Variants in CHLSN observed in about 807,000 individuals in gnomAD.
The protein encoded by CHLSN is protein cholesin.
At chr7:1,070,894 GCA>G in the CHLSN span, among the ~76,000 whole-genome samples, 29 of 145,170 alleles carry the variant, frequency 2.0e-4, no homozygotes, top group African/African-American at 4.4e-4. Context: ...GCACACACGT[GCA>G]CACACATGCA....
chr7:1,080,007 C>T, the CHLSN span, among the ~76,000 whole-genome samples: 1 of 152,246 alleles, frequency 6.6e-6, no homozygotes, highest in Non-Finnish European at 1.5e-5. Flanking sequence ...TGGCTCTTGG[C>T]CGGAAACCGG....
At chr7:999,674 G>A in the CHLSN span, among the ~76,000 whole-genome samples, 2 of 152,238 alleles carry the variant, frequency 1.3e-5, no homozygotes, top group Non-Finnish European at 2.9e-5. Flanking sequence ...GGCCTGCCCC[G>A]CTCTGAGAGT....
chr7:1,006,275 G>A, the CHLSN span, among the ~76,000 whole-genome samples: 12 of 152,358 alleles, frequency 7.9e-5, no homozygotes, highest in African/African-American at 2.4e-4. Context: ...CTGGGAAAAC[G>A]AGGGGACAGT....
At chr7:1,044,327 C>G in the CHLSN span, among the ~76,000 whole-genome samples, 1 of 152,268 alleles carries the variant, frequency 6.6e-6, no homozygotes, top group Non-Finnish European at 1.5e-5. Flanking sequence ...GGGTGTGTGT[C>G]CTCCCACAGG....
the CHLSN span, among the ~76,000 whole-genome samples, chr7:1,070,756 CAG>C: frequency 2.7e-5 from 4 of 150,510 alleles, no homozygotes; most frequent in Non-Finnish European, 5.9e-5. Flanking sequence ...ACAACGCACG[CAG>C]ACATACACAT....
At chr7:1,036,065 C>T in the CHLSN span, among the ~76,000 whole-genome samples, 1 of 152,148 alleles carries the variant, frequency 6.6e-6, no homozygotes, top group Non-Finnish European at 1.5e-5. Context: ...ACAGGTAGCA[C>T]CATGGAGCCA....
At chr7:1,008,762 G>A in the CHLSN span, among the ~76,000 whole-genome samples, 1 of 151,986 alleles carries the variant, frequency 6.6e-6, no homozygotes, top group African/African-American at 2.4e-5. Flanking sequence ...ACACACACGT[G>A]CATAAACACA....
At chr7:1,131,356 A>C in the CHLSN span, among the ~76,000 whole-genome samples, 21 of 152,152 alleles carry the variant, frequency 1.4e-4, no homozygotes. Flanking sequence ...AGGGGAGGTC[A>C]AGACAGGCCT....
At chr7:984,513 C>G in the CHLSN span, 1 of 1,552,650 alleles carries the variant, frequency 6.4e-7, no homozygotes, top group Non-Finnish European at 8.7e-7. Context: ...TGGCGGGCCC[C>G]GGGCAGGAGC....
chr7:1,116,839 C>T, the CHLSN span, among the ~76,000 whole-genome samples: 3 of 58,788 alleles, frequency 5.1e-5, no homozygotes, highest in Non-Finnish European at 8.7e-5. Context: ...CCGACGCCCA[C>T]GCAGGATGAT....
chr7:1,113,199 G>A, the CHLSN span, among the ~76,000 whole-genome samples: 6 of 151,890 alleles, frequency 4.0e-5, no homozygotes, highest in Non-Finnish European at 7.4e-5. Context: ...GGCCACACAG[G>A]CCCCTCATGC....
chr7:1,078,268 C>T, the CHLSN span, among the ~76,000 whole-genome samples: 3 of 151,896 alleles, frequency 2.0e-5, no homozygotes, highest in South Asian at 2.1e-4. Flanking sequence ...AGCGGGTGCC[C>T]TATAGTGGGC....
the CHLSN span, among the ~76,000 whole-genome samples, chr7:1,073,452 C>T: frequency 3.3e-5 from 5 of 152,128 alleles, no homozygotes; most frequent in Admixed American, 1.3e-4. Flanking sequence ...CCTAATCCCG[C>T]TGGAATCTGC....
the CHLSN span, among the ~76,000 whole-genome samples, chr7:1,114,349 G>A: frequency 1.3e-5 from 2 of 152,366 alleles, no homozygotes; most frequent in African/African-American, 4.8e-5. Flanking sequence ...GACCTCAGAC[G>A]CAGGTCCTAA....
At chr7:1,006,486 G>A in the CHLSN span, among the ~76,000 whole-genome samples, 14 of 141,948 alleles carry the variant, frequency 9.9e-5, no homozygotes, top group East Asian at 2.9e-3. Context: ...AGCACACGAC[G>A]GCCACAGCGC....
At chr7:1,058,329 G>A in the CHLSN span, 1 of 777,568 alleles carries the variant, frequency 1.3e-6, no homozygotes, top group Non-Finnish European at 2.4e-6. Context: ...ACACTACCTG[G>A]GGCTACTGCA....
At chr7:1,019,594 G>A in the CHLSN span, among the ~76,000 whole-genome samples, 2 of 152,252 alleles carry the variant, frequency 1.3e-5, no homozygotes, top group Non-Finnish European at 2.9e-5. Flanking sequence ...AGGTGGCCGT[G>A]GGGCTGCCCT....
At chr7:1,083,061 G>A in the CHLSN span, among the ~76,000 whole-genome samples, 1 of 152,196 alleles carries the variant, frequency 6.6e-6, no homozygotes, top group Admixed American at 6.5e-5. Flanking sequence ...TGGGGGCGGA[G>A]GGTCCCCCAA....
chr7:1,136,519 AAT>A, the CHLSN span, among the ~76,000 whole-genome samples: 6 of 99,622 alleles, frequency 6.0e-5, no homozygotes, highest in East Asian at 2.4e-4. Flanking sequence ...AACATATATA[AAT>A]ATATATAAAC....
Sources: gnomAD v4.1 joint callset for allele counts (sites outside exome capture counted in the v4.1 genomes callset) on GRCh38, gnomAD v4.1.1 for gene constraint, MANE v1.5 for transcripts, NCBI Gene and HGNC (gene_info 2026-07-23, HGNC 2026-07-21) for gene names.